SKOR2: variants seen among roughly 807,000 people sequenced by gnomAD.
SKOR2 encodes SKI family transcriptional corepressor 2.
Under a neutral mutation model 69.1 loss-of-function variants are expected in SKOR2, and 47 were observed. The observed-to-expected ratio is 0.68, with a 90% CI of 0.54 to 0.87. The LOEUF is 0.87. Among genes scored for constraint, SKOR2 ranks in the 40% least tolerant of loss-of-function variants. SKOR2 has a pLI of 0.00. For missense variants in SKOR2, 1,404 were observed against 1,472.2 expected (o/e 0.95, Z 0.76); for synonymous variants, 717 against 672.6 (o/e 1.07, Z -1.02).
chr18:47,214,218 T>C (rs1026966089), intron 7 of SKOR2, among the ~76,000 whole-genome samples: 1 of 152,206 alleles, frequency 6.6e-6, no homozygotes, highest in African/African-American at 2.4e-5. Flanking sequence ...TGAAGGATTC[T>C]ACTTTCAGAG....
chr18:47,249,166 C>T lies in SKOR2; in HGVS notation c.18G>A (p.Leu6=). The T allele has an allele frequency of 2.0e-6, 3 of 1,535,064 alleles. No homozygotes were observed. The highest frequency in any genetic ancestry group is 2.6e-6 in the Non-Finnish European group (3 of 1,146,296). The change falls in exon 2 of 9, where the codon CTG becomes CTA. Residue 6 remains leucine, a synonymous_variant. Coordinates refer to ENST00000425639, the MANE Select transcript of SKOR2 (RefSeq NM_001278063.4). ...CCAGCAGGATGTCGTTGGGCCCTGG[C>T]AGCGGACTGGAAGCCATCTCCGCCG... MASSP[L]PGPNDILLAS... is the part of the protein sequence containing the mutation.
chr18:47,233,462 G>T (rs1274206897), intron 4 of SKOR2, among the ~76,000 whole-genome samples: 2 of 152,196 alleles, frequency 1.3e-5, no homozygotes, highest in African/African-American at 4.8e-5. Context: ...GAAGATACAT[G>T]CATATTATGT....
At chr18:47,245,036 C>T in intron 3 of SKOR2, 54 bp from the exon 4 acceptor site, 1 of 1,451,556 alleles carries the variant, frequency 6.9e-7, no homozygotes, top group East Asian at 2.5e-5. Flanking sequence ...ACAAGAGGCA[C>T]ACAAAGATCC....
Position 47,248,666 on chromosome 18 carries a change from T to A in SKOR2, c.518A>T (p.Lys173Ile). ...RYNSSRAKCI[K>I]CSYCNMYFSP... ...GAAGTACATGTTGCAGTAGCTGCAT[T>A]TGATGCACTTGGCGCGCGAGCTGTT... is the stretch of plus-strand genomic sequence containing the variant. Residue 173 changes from lysine (K) to isoleucine (I), a missense_variant, in exon 2 of 9, where the codon AAA becomes ATA. Lys to Ile is a moderately radical substitution (Grantham distance 102). Coordinates refer to ENST00000425639, the MANE Select transcript of SKOR2 (RefSeq NM_001278063.4). The surrounding 1 kb of genome is among the most constrained non-coding windows in gnomAD (Gnocchi z 6.4). 1 of 1,566,852 alleles carries A rather than the reference T, an allele frequency of 6.4e-7. No individual in the cohort carries two copies. Among genetic ancestry groups the A allele is most frequent in the Non-Finnish European group, 8.6e-7 (1 of 1,162,082 alleles).
rs577640891 is a variant in SKOR2, at chr18:47,227,890, C to T, written c.2917+2569G>A. Among the ~76,000 whole-genome samples the T allele has an allele frequency of 3.9e-5, 6 of 152,264 alleles. No individual in the cohort carries two copies. The South Asian group carries it at 6.2e-4, about 16-fold the overall frequency. On this transcript the variant is annotated intron_variant, in intron 6 of 8. Coordinates refer to ENST00000425639, the MANE Select transcript of SKOR2 (RefSeq NM_001278063.4). ...GCCTGAAAGTGAACTCAGGTCTGGT[C>T]GATTTTTGAGCCTAGATTCTTAATT...
chr18:47,229,694 T>C (rs2064190673), intron 6 of SKOR2, among the ~76,000 whole-genome samples: 1 of 152,168 alleles, frequency 6.6e-6, no homozygotes, highest in African/African-American at 2.4e-5. Flanking sequence ...ATTTTCCCAC[T>C]TTCCTTTCTC....
At chr18:47,215,531 C>T (rs964536652) in intron 7 of SKOR2, among the ~76,000 whole-genome samples, 2 of 152,124 alleles carry the variant, frequency 1.3e-5, no homozygotes, top group East Asian at 1.9e-4. Context: ...GCAAAGATAA[C>T]GACCTCTCAC....
chr18:47,245,047 A>AT, intron 3 of SKOR2, 65 bp from the exon 4 acceptor site: 19 of 1,406,874 alleles, frequency 1.4e-5, no homozygotes, highest in African/African-American at 2.9e-5. Context: ...ACAAAGATCC[A>AT]ATTTTTTTTT....
At chr18:47,207,225 C>T (rs762008665) in intron 8 of SKOR2, among the ~76,000 whole-genome samples, 3 of 152,046 alleles carry the variant, frequency 2.0e-5, no homozygotes, top group Non-Finnish European at 2.9e-5. Context: ...GCCCAAGTTA[C>T]GTTTATTTTT....
In SKOR2 at chr18:47,219,979, T is replaced by G. The variant is rs1205189059; in HGVS notation, c.2949A>C (p.Leu983=). ...GTTGCACCATTTCTTCTCGGTAGGC[T>G]AGCTCCCTTTTCATCTGATCCTGAA... ...NNFQDQMKRE[L]AYREEMVQQL... The change falls in exon 7 of 9, where the codon CTA becomes CTC. Residue 983 remains leucine, a synonymous_variant. Coordinates refer to ENST00000425639, the MANE Select transcript of SKOR2 (RefSeq NM_001278063.4). 2 of 1,536,338 alleles carry G rather than the reference T, an allele frequency of 1.3e-6. No homozygotes were observed. The highest frequency in any genetic ancestry group is 1.7e-6 in the Non-Finnish European group (2 of 1,147,042).
At chr18:47,226,885 A>G (rs1181835818) in intron 6 of SKOR2, among the ~76,000 whole-genome samples, 2 of 152,078 alleles carry the variant, frequency 1.3e-5, no homozygotes, top group African/African-American at 4.8e-5. Context: ...TCCTAAGGTT[A>G]CTCAGCCAGT....
chr18:47,247,420 C>CGCGGCCCCTGCCCCGGCAGCT lies in SKOR2; in HGVS notation c.1743_1763dup (p.Ala585_Gly591dup). ...AGCCCGCGGGGCCAGACCCGGCGGC[C>CGCGGCCCCTGCCCCGGCAGCT]GCGGCCCCTGCCCCGGCAGCTGCCA... On this transcript the variant is annotated inframe_insertion, in exon 2 of 9. Transcript: ENST00000425639. The surrounding 1 kb of genome is among the most constrained non-coding windows in gnomAD (Gnocchi z 6.6). 7.7e-7 allele frequency: 1 copy of CGCGGCCCCTGCCCCGGCAGCT among 1,294,216 alleles called. No homozygotes were observed. The highest frequency in any genetic ancestry group is 9.8e-7 in the Non-Finnish European group (1 of 1,023,390). The allele number at this position is 1,294,216 out of a possible 1,614,324, so 80.2% of individuals were successfully genotyped here. A position where few individuals can be genotyped will look rare whatever the true frequency, so the allele number is the denominator to read the frequency against.
chr18:47,228,556 T>C (rs1568086112), intron 6 of SKOR2, among the ~76,000 whole-genome samples: 2 of 152,164 alleles, frequency 1.3e-5, no homozygotes, highest in Admixed American at 6.5e-5. Flanking sequence ...AGAGGTTTCA[T>C]AGGGAGTTAG....
chr18:47,228,660 A>C (rs537625510), intron 6 of SKOR2, among the ~76,000 whole-genome samples: 1 of 152,214 alleles, frequency 6.6e-6, no homozygotes, highest in Non-Finnish European at 1.5e-5. Context: ...AACATCAGCT[A>C]TTGGGAAAAC....
At chr18:47,221,604 C>T (rs368887067) in intron 6 of SKOR2, among the ~76,000 whole-genome samples, 1 of 152,202 alleles carries the variant, frequency 6.6e-6, no homozygotes, top group African/African-American at 2.4e-5. Context: ...CTTTAAAGTC[C>T]AGTCCAGATG....
In SKOR2 at chr18:47,248,644, G is replaced by A. The variant is rs1483804243; in HGVS notation, c.540C>T (p.Tyr180=). The A allele has an allele frequency of 1.3e-6, 2 of 1,563,210 alleles. No individual in the cohort carries two copies. The highest frequency in any genetic ancestry group is 2.3e-5 in the South Asian group (2 of 86,064). ...GGAAAATGAACTTGTTGGGCGAGAA[G>A]TACATGTTGCAGTAGCTGCATTTGA... is the stretch of plus-strand genomic sequence containing the variant. ...KCIKCSYCNM[Y]FSPNKFIFHS... Residue 180 remains tyrosine (Y), a synonymous_variant, in exon 2 of 9, where the codon TAC becomes TAT. Coordinates refer to ENST00000425639, the MANE Select transcript of SKOR2 (RefSeq NM_001278063.4). The surrounding 1 kb of genome is among the most constrained non-coding windows in gnomAD (Gnocchi z 6.4).
At position 47,216,704 on chromosome 18, in the gene SKOR2, T is replaced by C. The variant is rs568321756; in HGVS notation, c.2985+3239A>G. On this transcript the variant is annotated intron_variant, in intron 7 of 8. Transcript: ENST00000425639. ...ACACTTTTTAACAACATAGGATAAA[T>C]GCATTGTGGGTCTTTGGGAATCATT... Among the ~76,000 whole-genome samples the C allele has an allele frequency of 5.3e-5, 8 of 152,216 alleles. No homozygotes were observed. In the East Asian group the frequency reaches 1.5e-3, roughly 29 times the overall value.
chr18:47,225,753 C>T (rs979170010), intron 6 of SKOR2, among the ~76,000 whole-genome samples: 14 of 152,122 alleles, frequency 9.2e-5, no homozygotes, highest in Non-Finnish European at 1.6e-4. Flanking sequence ...TGAGGGGAGG[C>T]GCTCTGGACT....
chr18:47,246,832 G>T lies in SKOR2; in HGVS notation c.2352C>A (p.Gly784=). The change falls in exon 2 of 9, where the codon GGC becomes GGA. Residue 784 remains glycine, a synonymous_variant. Transcript: ENST00000425639. ...GCCCTCGGCCCTGGAGGAACCGGCCGCCCCCGACTAAGGGGTCGCCGAGTA... is the reference window on the plus strand; with the variant it reads ...GCCCTCGGCCCTGGAGGAACCGGCCTCCCCCGACTAAGGGGTCGCCGAGTA... ...EVLLGDPLVG[G]GRFLQGRGPS... is the part of the protein sequence containing the mutation. 6.8e-7 allele frequency: 1 copy of T among 1,465,242 alleles called. No individual in the cohort carries two copies. Among genetic ancestry groups the T allele is most frequent in the Non-Finnish European group, 9.0e-7 (1 of 1,114,828 alleles). The allele number at this position is 1,465,242 out of a possible 1,614,324, so 90.8% of individuals were successfully genotyped here.
Sources: gnomAD v4.1 joint callset for allele counts (sites outside exome capture counted in the v4.1 genomes callset) on GRCh38, gnomAD v4.1.1 for gene constraint, Gnocchi (gnomAD v3.1) non-coding constraint, MANE v1.5 for transcripts, NCBI Gene and HGNC (gene_info 2026-07-23, HGNC 2026-07-21) for gene names.